KCNIP4: variants seen among roughly 807,000 people sequenced by gnomAD.
The protein encoded by KCNIP4 is potassium voltage-gated channel interacting protein 4, also known as Kv channel-interacting protein 4.
A neutral mutation model predicts 34.0 loss-of-function variants in KCNIP4; 12 were observed. The observed-to-expected ratio is 0.35, with a 90% CI of 0.23 to 0.57. The LOEUF (loss-of-function observed/expected upper bound fraction) is 0.57. Among genes scored for constraint, KCNIP4 ranks in the 20% least tolerant of loss-of-function variants. The pLI is 0.83. For synonymous variants in KCNIP4, 124 were observed against 102.2 expected, an observed-to-expected ratio of 1.21 and a Z score of -1.29; for missense variants, 238 against 311.7, an observed-to-expected ratio of 0.76 and a Z score of 1.78.
intron 3 of KCNIP4, among the ~76,000 whole-genome samples, chr4:20,772,010 C>T (rs1341714323): frequency 6.6e-6 from 1 of 152,136 alleles, no homozygotes; most frequent in African/African-American, 2.4e-5. Context: ...GTCTGCTGGG[C>T]ACTGAGCCAT....
chr4:21,400,909 C>T (rs766238540), intron 1 of KCNIP4, among the ~76,000 whole-genome samples: 2 of 152,020 alleles, frequency 1.3e-5, no homozygotes, highest in Non-Finnish European at 2.9e-5. Context: ...GCCTGTAATC[C>T]CAGCACTTTG....
At chr4:20,857,473 G>T (rs564064608) in intron 2 of KCNIP4, among the ~76,000 whole-genome samples, 2 of 145,282 alleles carry the variant, frequency 1.4e-5, no homozygotes, top group African/African-American at 5.4e-5. Context: ...AGGTTTAATT[G>T]TTTATTTTTC....
chr4:21,136,214 C>T (rs1210651489), intron 1 of KCNIP4, among the ~76,000 whole-genome samples: 5 of 152,100 alleles, frequency 3.3e-5, no homozygotes, highest in Non-Finnish European at 7.4e-5. Flanking sequence ...TTTTATTTAC[C>T]ACTGTTCAGT....
intron 1 of KCNIP4, among the ~76,000 whole-genome samples, chr4:21,530,884 A>G (rs927825236): frequency 1.4e-4 from 22 of 152,198 alleles, no homozygotes; most frequent in Non-Finnish European, 2.9e-5. Flanking sequence ...TCACCAGAGC[A>G]TAAGCAAAGG....
intron 1 of KCNIP4, among the ~76,000 whole-genome samples, chr4:20,967,951 G>A (rs1355333817): frequency 6.6e-6 from 1 of 152,046 alleles, no homozygotes; most frequent in African/African-American, 2.4e-5. Flanking sequence ...AAACTAAAGA[G>A]TTTCTGTACA....
At chr4:21,906,735 T>C (rs983014512) in intron 1 of KCNIP4, among the ~76,000 whole-genome samples, 1 of 152,164 alleles carries the variant, frequency 6.6e-6, no homozygotes, top group Admixed American at 6.5e-5. Context: ...AGAAAATCTT[T>C]ACACACCTAT....
chr4:20,774,065 T>C (rs73802317), intron 3 of KCNIP4, among the ~76,000 whole-genome samples: 2,060 of 152,280 alleles, frequency 0.014, 56 homozygotes, highest in African/African-American at 0.047. Flanking sequence ...ATGAAAATAA[T>C]GATACTACCC....
At chr4:21,567,303 T>A (rs1189668873) in intron 1 of KCNIP4, among the ~76,000 whole-genome samples, 1 of 152,002 alleles carries the variant, frequency 6.6e-6, no homozygotes, top group African/African-American at 2.4e-5. Flanking sequence ...CCTTCTCTCA[T>A]GAAGCTAGGG....
chr4:21,111,540 T>C (rs1410022667), intron 1 of KCNIP4, among the ~76,000 whole-genome samples: 1 of 152,176 alleles, frequency 6.6e-6, no homozygotes, highest in Non-Finnish European at 1.5e-5. Flanking sequence ...AGAAAAAGTC[T>C]CCTGCCTGAG....
chr4:20,759,185 G>A (rs1237490069), intron 3 of KCNIP4, among the ~76,000 whole-genome samples: 1 of 152,110 alleles, frequency 6.6e-6, no homozygotes, highest in African/African-American at 2.4e-5. Flanking sequence ...AAAGTAAAAG[G>A]AAATTGCATT....
chr4:21,517,532 G>A (rs924732049), intron 1 of KCNIP4, among the ~76,000 whole-genome samples: 7 of 152,108 alleles, frequency 4.6e-5, no homozygotes, highest in African/African-American at 1.2e-4. Context: ...AAATAAAACC[G>A]TCTTGTGTTT....
At chr4:21,659,421 G>T in intron 1 of KCNIP4, among the ~76,000 whole-genome samples, 1 of 151,894 alleles carries the variant, frequency 6.6e-6, no homozygotes, top group Middle Eastern at 3.2e-3. Flanking sequence ...GCATTTTTTT[G>T]AATGAATACA....
intron 1 of KCNIP4, among the ~76,000 whole-genome samples, chr4:21,855,143 G>A (rs1724670618): frequency 1.3e-5 from 2 of 152,174 alleles, no homozygotes; most frequent in South Asian, 2.1e-4. Flanking sequence ...GAGTTCAATG[G>A]AGAGCCGTCT....
At chr4:21,257,640 C>T (rs1377261853) in intron 1 of KCNIP4, among the ~76,000 whole-genome samples, 2 of 151,776 alleles carry the variant, frequency 1.3e-5, no homozygotes, top group Non-Finnish European at 2.9e-5. Context: ...GTCCCAGCTA[C>T]TCGGGAGGCT....
chr4:20,919,619 C>G lies in KCNIP4; in HGVS notation c.62-36910G>C, dbSNP rs570932688. 2.0e-3 allele frequency among the ~76,000 whole-genome samples: 286 copies of G among 144,640 alleles called. 1 individual carries two copies. The highest frequency in any genetic ancestry group is 7.1e-3 in the African/African-American group (276 of 38,920). The allele number at this position is 144,640 out of a possible 152,430, so 94.9% of individuals were successfully genotyped here. On this transcript the variant is annotated intron_variant, in intron 1 of 8. Transcript: ENST00000382152. Reference sequence around the variant, plus strand: ...TCAGGAGGCTGAGGCAGGAGAATGGCGTGAACACGGGAGGCGGAGCTTGCC... The same window carrying G: ...TCAGGAGGCTGAGGCAGGAGAATGGGGTGAACACGGGAGGCGGAGCTTGCC...
intron 1 of KCNIP4, among the ~76,000 whole-genome samples, chr4:20,967,170 G>A (rs1734434695): frequency 6.6e-6 from 1 of 152,146 alleles, no homozygotes; most frequent in African/African-American, 2.4e-5. Flanking sequence ...ATGTCTTCTT[G>A]CTCAAAGTAT....
intron 1 of KCNIP4, among the ~76,000 whole-genome samples, chr4:21,752,555 A>C (rs1474824948): frequency 6.6e-6 from 1 of 152,110 alleles, no homozygotes; most frequent in Non-Finnish European, 1.5e-5. Flanking sequence ...GGGAACACAA[A>C]GCCTAACCAT....
chr4:21,534,773 T>C (rs891538372), intron 1 of KCNIP4, among the ~76,000 whole-genome samples: 12 of 152,134 alleles, frequency 7.9e-5, no homozygotes, highest in African/African-American at 2.7e-4. Flanking sequence ...CGAGCCCATC[T>C]GAAACCTCAG....
At chr4:20,970,526 A>G (rs558494354) in intron 1 of KCNIP4, among the ~76,000 whole-genome samples, 1 of 152,162 alleles carries the variant, frequency 6.6e-6, no homozygotes, top group South Asian at 2.1e-4. Context: ...GATCTCACCT[A>G]CCCTGCACCC....
Sources: gnomAD v4.1 joint callset for allele counts (sites outside exome capture counted in the v4.1 genomes callset) on GRCh38, gnomAD v4.1.1 for gene constraint, MANE v1.5 for transcripts, NCBI Gene and HGNC (gene_info 2026-07-23, HGNC 2026-07-21) for gene names.